Variants in CTNNBIP1 observed in about 807,000 individuals in gnomAD.
CTNNBIP1 encodes catenin beta interacting protein 1, also known as beta-catenin-interacting protein 1.
In CTNNBIP1, 7 loss-of-function variants were observed where a neutral mutation model predicts 11.8. That is an observed-to-expected ratio of 0.60 (90% confidence interval 0.34 to 1.12). The LOEUF (loss-of-function observed/expected upper bound fraction) is 1.12, where lower values mean the gene tolerates loss of function less well. Ranked by LOEUF, CTNNBIP1 falls within the 50% of genes most tolerant of loss-of-function variation. The pLI is 0.03. For synonymous variants in CTNNBIP1, 58 were observed against 43.9 expected, an observed-to-expected ratio of 1.32 and a Z score of -1.26; for missense variants, 101 against 113.4, an observed-to-expected ratio of 0.89 and a Z score of 0.50.
chr1:9,866,430 C>T (rs932536466), intron 5 of CTNNBIP1, among the ~76,000 whole-genome samples: 7 of 151,896 alleles, frequency 4.6e-5, no homozygotes, highest in Admixed American at 2.0e-4. Context: ...ATGGTGGCTC[C>T]CGCCTGTAAT....
chr1:9,885,431 T>A (rs928455511), intron 1 of CTNNBIP1, among the ~76,000 whole-genome samples: 1 of 152,014 alleles, frequency 6.6e-6, no homozygotes, highest in Admixed American at 6.6e-5. Flanking sequence ...TGAGATAACA[T>A]GCAAAGAAAG....
At chr1:9,904,669 A>G (rs1639584798) in intron 1 of CTNNBIP1, among the ~76,000 whole-genome samples, 1 of 152,320 alleles carries the variant, frequency 6.6e-6, no homozygotes, top group Non-Finnish European at 1.5e-5. Context: ...TACTCTCAAC[A>G]AAGAAACAGT....
intron 1 of CTNNBIP1, among the ~76,000 whole-genome samples, chr1:9,907,887 C>T (rs931295095): frequency 1.3e-5 from 2 of 152,224 alleles, no homozygotes; most frequent in African/African-American, 4.8e-5. Flanking sequence ...CTGCCTCCAC[C>T]TTTGCTCCTT....
chr1:9,902,735 G>C (rs1409903545), intron 1 of CTNNBIP1, among the ~76,000 whole-genome samples: 7 of 151,886 alleles, frequency 4.6e-5, no homozygotes, highest in Non-Finnish European at 1.0e-4. Context: ...TTTGGTCCTA[G>C]ACTAAGAGCT....
At chr1:9,873,498 C>T (rs1051606812) in intron 3 of CTNNBIP1, among the ~76,000 whole-genome samples, 4 of 152,136 alleles carry the variant, frequency 2.6e-5, no homozygotes, top group African/African-American at 4.8e-5. Flanking sequence ...TATCACTCCT[C>T]GCACTGACCC....
chr1:9,878,502 TAACA>T (rs1343499651), intron 2 of CTNNBIP1, among the ~76,000 whole-genome samples: 1 of 152,208 alleles, frequency 6.6e-6, no homozygotes, highest in Non-Finnish European at 1.5e-5. Flanking sequence ...AAACATCAAC[TAACA>T]CACATGCTAG....
intron 1 of CTNNBIP1, among the ~76,000 whole-genome samples, chr1:9,907,602 G>A (rs1164174987): frequency 1.3e-5 from 2 of 152,152 alleles, no homozygotes; most frequent in Non-Finnish European, 2.9e-5. Flanking sequence ...AATACAACCG[G>A]ATGTGGGAAT....
rs1203872068 is a variant in CTNNBIP1 at position 9,897,587 on chromosome 1, G to A, written c.-144+12508C>T. Among the ~76,000 whole-genome samples, 3 of 152,128 alleles carry A rather than the reference G, an allele frequency of 2.0e-5. No homozygotes were observed. The East Asian group carries it at 5.8e-4, about 29-fold the overall frequency. On this transcript the variant is annotated intron_variant, in intron 1 of 5. Transcript: ENST00000377263. Reference sequence around the variant, plus strand: ...GAATTGCTTGAACCCAGGAGGCGGAGGTTGCAGTGAGCCGAGATCCTGCTA... The same window carrying A: ...GAATTGCTTGAACCCAGGAGGCGGAAGTTGCAGTGAGCCGAGATCCTGCTA...
chr1:9,904,665 CAACA>C (rs1281726707), intron 1 of CTNNBIP1, among the ~76,000 whole-genome samples: 1 of 152,128 alleles, frequency 6.6e-6, no homozygotes, highest in Admixed American at 6.6e-5. Flanking sequence ...GGTATACTCT[CAACA>C]AAGAAACAGT....
intron 1 of CTNNBIP1, among the ~76,000 whole-genome samples, chr1:9,885,356 CTT>C (rs1251587570): frequency 1.3e-5 from 2 of 152,134 alleles, no homozygotes; most frequent in East Asian, 1.9e-4. Flanking sequence ...ATCTCTGAGC[CTT>C]TGTTTCCTTT....
intron 1 of CTNNBIP1, among the ~76,000 whole-genome samples, chr1:9,904,061 A>G (rs1639573055): frequency 6.6e-6 from 1 of 152,218 alleles, no homozygotes; most frequent in South Asian, 2.1e-4. Context: ...TGTATGTAAA[A>G]TGCCACTATC....
chr1:9,908,648 C>A (rs928080204), intron 1 of CTNNBIP1, among the ~76,000 whole-genome samples: 7 of 152,336 alleles, frequency 4.6e-5, no homozygotes, highest in Non-Finnish European at 7.3e-5. Context: ...AAGCGTGAGC[C>A]ACCGCGCCCG....
chr1:9,865,215 T>C (rs796741569), intron 5 of CTNNBIP1, among the ~76,000 whole-genome samples: 2,475 of 131,264 alleles, frequency 0.019, 59 homozygotes, highest in African/African-American at 0.066. Context: ...GGCAACAGAG[T>C]GAGACTCTGT....
chr1:9,892,404 A>G (rs1453338209), intron 1 of CTNNBIP1, among the ~76,000 whole-genome samples: 1 of 149,918 alleles, frequency 6.7e-6, no homozygotes, highest in Non-Finnish European at 1.5e-5. Context: ...CCTGGGGGAC[A>G]GAGCGAGACT....
intron 5 of CTNNBIP1, among the ~76,000 whole-genome samples, chr1:9,854,968 C>T (rs1036747645): frequency 6.6e-6 from 1 of 152,158 alleles, no homozygotes; most frequent in Non-Finnish European, 1.5e-5. Flanking sequence ...TGAGCTACTG[C>T]ACCTGGCCCA....
intron 1 of CTNNBIP1, among the ~76,000 whole-genome samples, chr1:9,895,732 C>T (rs760721802): frequency 2.0e-5 from 3 of 152,064 alleles, no homozygotes; most frequent in Non-Finnish European, 4.4e-5. Context: ...CTCCTGACCT[C>T]GTGATCCACC....
chr1:9,882,729 GGGCTGT>G (rs1329442143), intron 2 of CTNNBIP1, among the ~76,000 whole-genome samples: 1 of 152,104 alleles, frequency 6.6e-6, no homozygotes, highest in Admixed American at 6.6e-5. Flanking sequence ...TGTAAGAGTG[GGGCTGT>G]GGCTGTGGCT....
At chr1:9,885,644 T>C (rs970600451) in intron 1 of CTNNBIP1, among the ~76,000 whole-genome samples, 12 of 133,812 alleles carry the variant, frequency 9.0e-5, no homozygotes, top group Admixed American at 5.3e-4. Context: ...ACCCTGTCTC[T>C]AAAAAAAAAA....
intron 1 of CTNNBIP1, among the ~76,000 whole-genome samples, chr1:9,899,763 A>G (rs908612941): frequency 6.0e-5 from 9 of 150,470 alleles, no homozygotes; most frequent in African/African-American, 9.8e-5. Flanking sequence ...GTCTCAAAAA[A>G]AAAGAAAGAA....
Sources: allele counts gnomAD v4.1 joint callset (sites outside exome capture counted in the v4.1 genomes callset), GRCh38; gene constraint gnomAD v4.1.1; transcripts MANE v1.5; gene names NCBI Gene and HGNC (gene_info 2026-07-23, HGNC 2026-07-21).